RTL4: variants seen among roughly 807,000 people sequenced by gnomAD.
The protein encoded by RTL4 is retrotransposon Gag like 4.
A neutral mutation model predicts 5.3 loss-of-function variants in RTL4; 4 were observed. The ratio of observed to expected loss-of-function variants is 0.75; its 90% confidence interval spans 0.37 to 1.72. The LOEUF is 1.72. Among genes scored for constraint, RTL4 ranks in the 40% most tolerant of loss-of-function variants. RTL4 has a pLI of 0.04. For synonymous variants in RTL4, 98 were observed against 87.3 expected (o/e 1.12, Z -0.68); for missense variants, 260 against 227.1 (o/e 1.14, Z -0.93).
the RTL4 span, among the ~76,000 whole-genome samples, chrX:112,351,387 G>T: frequency 2.7e-5 from 3 of 109,447 alleles, no homozygotes; most frequent in Admixed American, 2.9e-4. Flanking sequence ...TTAGGTCCAC[G>T]TGGTGCAGAG....
the RTL4 span, among the ~76,000 whole-genome samples, chrX:112,105,628 ATT>A: frequency 9.0e-6 from 1 of 110,702 alleles, no homozygotes; most frequent in African/African-American, 3.3e-5. Context: ...TGATTCCTAA[ATT>A]TATTTTTTTG....
chrX:112,366,946 C>T, the RTL4 span, among the ~76,000 whole-genome samples: 1 of 111,524 alleles, frequency 9.0e-6, no homozygotes, highest in African/African-American at 3.3e-5. Context: ...GGCATGGGCT[C>T]TCTGCTACAG....
chrX:112,354,959 C>G, the RTL4 span, among the ~76,000 whole-genome samples: 2 of 111,353 alleles, frequency 1.8e-5, no homozygotes, highest in East Asian at 5.7e-4. Flanking sequence ...AAATAATCAA[C>G]ACTTTCTATG....
chrX:112,381,363 C>T, the RTL4 span: 1 of 1,208,234 alleles, frequency 8.3e-7, no homozygotes, highest in Non-Finnish European at 1.1e-6. Flanking sequence ...AAGGTAGAGA[C>T]AAGCCTTAAA....
the RTL4 span, among the ~76,000 whole-genome samples, chrX:112,263,920 A>G: frequency 8.9e-6 from 1 of 111,920 alleles, no homozygotes; most frequent in Admixed American, 9.5e-5. Context: ...TTTAAAATAA[A>G]AGGAAGAGAG....
chrX:112,421,523 A>C, the RTL4 span, among the ~76,000 whole-genome samples: 1 of 112,235 alleles, frequency 8.9e-6, no homozygotes, highest in African/African-American at 3.2e-5. Flanking sequence ...TGGACAACGT[A>C]AATGATACAG....
chrX:112,204,765 C>T, the RTL4 span, among the ~76,000 whole-genome samples: 2 of 111,204 alleles, frequency 1.8e-5, no homozygotes, highest in South Asian at 3.8e-4. Context: ...AACAGAGTGA[C>T]TGTAGTAAAT....
At chrX:112,313,207 A>G in the RTL4 span, among the ~76,000 whole-genome samples, 2 of 111,221 alleles carry the variant, frequency 1.8e-5, 1 homozygote, top group South Asian at 7.6e-4. Flanking sequence ...CAGATGTAAT[A>G]CTGACCATAT....
the RTL4 span, among the ~76,000 whole-genome samples, chrX:112,249,562 A>G: frequency 9.0e-6 from 1 of 110,895 alleles, no homozygotes; most frequent in East Asian, 2.8e-4. Context: ...GTCTGTTGAA[A>G]GACAGAATAG....
At chrX:112,427,444 A>G in the RTL4 span, among the ~76,000 whole-genome samples, 1 of 111,127 alleles carries the variant, frequency 9.0e-6, no homozygotes, top group Non-Finnish European at 1.9e-5. Flanking sequence ...AAAACCTCTC[A>G]ATTTGATAAA....
chrX:112,390,106 A>AATATATATATATAT, the RTL4 span, among the ~76,000 whole-genome samples: 1 of 17,385 alleles, frequency 5.8e-5, no homozygotes, highest in Non-Finnish European at 9.8e-5. Flanking sequence ...ATTTATATAT[A>AATATATATATATAT]ATATATATAT....
the RTL4 span, among the ~76,000 whole-genome samples, chrX:112,161,153 C>T: frequency 2.7e-5 from 3 of 111,493 alleles, no homozygotes; most frequent in Non-Finnish European, 3.8e-5. Flanking sequence ...TTACACTGTA[C>T]TTCATAAATG....
the RTL4 span, among the ~76,000 whole-genome samples, chrX:112,257,057 C>A: frequency 9.0e-6 from 1 of 111,531 alleles, no homozygotes; most frequent in Non-Finnish European, 1.9e-5. Context: ...TTTACTTATT[C>A]TTCACTTTAA....
At chrX:112,276,923 T>C in the RTL4 span, among the ~76,000 whole-genome samples, 1 of 112,215 alleles carries the variant, frequency 8.9e-6, no homozygotes, top group Non-Finnish European at 1.9e-5. Context: ...TTTTGTGATA[T>C]GGAAATGAAT....
chrX:112,162,362 T>C, the RTL4 span, among the ~76,000 whole-genome samples: 1 of 111,876 alleles, frequency 8.9e-6, no homozygotes, highest in Admixed American at 9.5e-5. Flanking sequence ...TTCTCATTGG[T>C]ACATTACTTT....
the RTL4 span, among the ~76,000 whole-genome samples, chrX:112,267,600 T>C: frequency 8.9e-6 from 1 of 111,833 alleles, no homozygotes; most frequent in East Asian, 2.8e-4. Context: ...ATAATGATGA[T>C]TCCAAGTTTA....
At chrX:112,406,024 A>C in the RTL4 span, among the ~76,000 whole-genome samples, 3 of 110,949 alleles carry the variant, frequency 2.7e-5, no homozygotes, top group Non-Finnish European at 5.7e-5. Flanking sequence ...TGGAGGGAGC[A>C]TTTAAACCAC....
chrX:112,225,529 G>A, the RTL4 span, among the ~76,000 whole-genome samples: 1 of 111,771 alleles, frequency 8.9e-6, no homozygotes, highest in Non-Finnish European at 1.9e-5. Flanking sequence ...GTCTGTGATT[G>A]GCATAGTCTG....
chrX:112,316,589 T>TA, the RTL4 span, among the ~76,000 whole-genome samples: 6 of 111,439 alleles, frequency 5.4e-5, no homozygotes, highest in African/African-American at 1.3e-4. Context: ...CTCATACAAA[T>TA]AAAAAAAAGA....
Sources: gnomAD v4.1 joint callset for allele counts (sites outside exome capture counted in the v4.1 genomes callset) on GRCh38, gnomAD v4.1.1 for gene constraint, MANE v1.5 for transcripts, NCBI Gene and HGNC (gene_info 2026-07-23, HGNC 2026-07-21) for gene names.